Variants in OR10X1 observed in about 807,000 individuals in gnomAD.
OR10X1 encodes the protein olfactory receptor 10X1.
For synonymous variants in OR10X1, 179 were observed against 142.6 expected (o/e 1.26, Z -1.82); for missense variants, 449 against 387.0 (o/e 1.16, Z -1.34).
rs150430213 is a variant in OR10X1 at position 158,579,031 on chromosome 1, G to T, written c.869C>A (p.Pro290His). 2 of 1,614,030 alleles carry T rather than the reference G, an allele frequency of 1.2e-6. No individual in the cohort carries two copies. The highest frequency in any genetic ancestry group is 1.7e-6 in the Non-Finnish European group (2 of 1,179,990). Residue 290 changes from proline (P) to histidine (H), a missense_variant, in exon 1 of 1, where the codon CCT becomes CAT. By Grantham distance (77) the Pro-to-His change is moderately conservative (BLOSUM62 -2). Coordinates refer to ENST00000623167, the MANE Select transcript of OR10X1 (RefSeq NM_001004477.1). The part of the protein sequence containing the change: ...ASGDDTLIAV[P>H]YTVITPFLSP... Reference sequence around the variant, plus strand: ...GAGGAAGGGGGTAATGACAGTATAAGGGACTGCTATGAGTGTGTCATCTCC... The same window carrying T: ...GAGGAAGGGGGTAATGACAGTATAATGGACTGCTATGAGTGTGTCATCTCC...
Position 158,579,368 on chromosome 1 carries a change from G to A in OR10X1, c.532C>T (p.Leu178=), listed in dbSNP as rs746314360. The part of the protein sequence containing the change: ...GFFISLTETA[L]IFRDSFCRPN... The stretch of plus-strand genomic sequence containing the variant: ...CTGCAGAAAGAGTCCCTGAATATCA[G>A]TGCAGTCTCTGTAAGAGAGATAAAG... The change falls in exon 1 of 1, where the codon CTG becomes TTG. Residue 178 remains leucine (L), a synonymous_variant. Coordinates refer to ENST00000623167, the MANE Select transcript of OR10X1 (RefSeq NM_001004477.1). 5.6e-6 allele frequency: 9 copies of A among 1,613,808 alleles called. No homozygotes were observed. Among genetic ancestry groups the A allele is most frequent in the Admixed American group, 1.7e-5 (1 of 59,972 alleles).
Position 158,579,215 on chromosome 1 carries a change from G to A in OR10X1, c.685C>T (p.Leu229Phe), listed in dbSNP as rs1056219320. ...SVSGLLGTLL[L>F]IILTDVFIIS... ...ATGAAGACATCAGTCAGGATGATGA[G>A]CAGAAGGGTACCCAGCAAACCAGAC... Residue 229 changes from leucine (L) to phenylalanine (F), a missense_variant, in exon 1 of 1, where the codon CTC (leucine) becomes TTC (phenylalanine). Leu to Phe is a conservative substitution (Grantham distance 22). Transcript: ENST00000623167. The A allele has an allele frequency of 1.9e-6, 3 of 1,613,968 alleles. No homozygotes were observed. The highest frequency in any genetic ancestry group is 2.5e-6 in the Non-Finnish European group (3 of 1,179,984).
chr1:158,578,963 C>A lies in OR10X1; in HGVS notation c.937G>T (p.Ala313Ser). 2 of 1,600,228 alleles carry A rather than the reference C, an allele frequency of 1.2e-6. No individual in the cohort carries two copies. Among genetic ancestry groups the A allele is most frequent in the South Asian group, 1.1e-5 (1 of 87,828 alleles). The part of the protein sequence containing the change: ...FSLRNKDMKN[A>S]FRRMMGNTVA... ...GTGTTTCCCATCATTCTTCTAAAAG[C>A]ATTTTTCATGTCCTTATTCCTCAGG... is the stretch of plus-strand genomic sequence containing the variant. Residue 313 changes from alanine (A) to serine (S), a missense_variant, in exon 1 of 1, where the codon GCT (alanine) becomes TCT (serine). Physicochemically the swap from Ala to Ser is moderately conservative, Grantham distance 99. Transcript: ENST00000623167.
Position 158,579,353 on chromosome 1 carries a change from A to C in OR10X1, c.547T>G (p.Ser183Ala). Reference sequence around the variant, plus strand: ...TTGACAAGGTTGGGTCTGCAGAAAGAGTCCCTGAATATCAGTGCAGTCTCT... The same window carrying C: ...TTGACAAGGTTGGGTCTGCAGAAAGCGTCCCTGAATATCAGTGCAGTCTCT... ...LTETALIFRD[S>A]FCRPNLVKHF... is the part of the protein sequence containing the mutation. Residue 183 changes from serine to alanine, a missense_variant, in exon 1 of 1, where the codon TCT becomes GCT. Ser to Ala is a moderately conservative substitution (Grantham distance 99). Transcript: ENST00000623167. The C allele has an allele frequency of 6.2e-7, 1 of 1,614,062 alleles. No individual in the cohort carries two copies. Among genetic ancestry groups the C allele is most frequent in the Non-Finnish European group, 8.5e-7 (1 of 1,180,000 alleles).
chr1:158,579,565 C>G lies in OR10X1; in HGVS notation c.335G>C (p.Gly112Ala). Residue 112 changes from glycine (G) to alanine (A), a missense_variant, in exon 1 of 1, where the codon GGT (glycine) becomes GCT (alanine). Transcript: ENST00000623167. ...LAKDRSISVT[G>A]CSLQMCFFLG... ...GAAGAAGCACATCTGTAAGCTACAACCTGTGACTGAAATGCTTCTGTCCTT... is the reference window on the plus strand; with the variant it reads ...GAAGAAGCACATCTGTAAGCTACAAGCTGTGACTGAAATGCTTCTGTCCTT... 1 of 1,614,064 alleles carries G rather than the reference C, an allele frequency of 6.2e-7. No individual in the cohort carries two copies. Among genetic ancestry groups the G allele is most frequent in the Non-Finnish European group, 8.5e-7 (1 of 1,179,984 alleles).
In OR10X1 at chr1:158,579,683, T is replaced by A. The variant is rs934979090; in HGVS notation, c.217A>T (p.Thr73Ser). 3.1e-6 allele frequency: 5 copies of A among 1,613,708 alleles called. No individual in the cohort carries two copies. The African/African-American group carries it at 6.7e-5, about 22-fold the overall frequency. The change falls in exon 1 of 1, where the codon ACC becomes TCC. Residue 73 changes from threonine to serine, a missense_variant. Thr to Ser is a moderately conservative substitution (Grantham distance 58). Coordinates refer to ENST00000623167, the MANE Select transcript of OR10X1 (RefSeq NM_001004477.1). ...GCACTAAGGAAGAGATACATAGGGGTGTGGAGGGACCTGTCCACCCAAGTT... is the reference window on the plus strand; with the variant it reads ...GCACTAAGGAAGAGATACATAGGGGAGTGGAGGGACCTGTCCACCCAAGTT... ...GLTWVDRSLH[T>S]PMYLFLSALS...
Position 158,579,028 on chromosome 1 carries a change from T to C in OR10X1, c.872A>G (p.Tyr291Cys). The C allele has an allele frequency of 6.2e-7, 1 of 1,614,038 alleles. No homozygotes were observed. The highest frequency in any genetic ancestry group is 1.1e-5 in the South Asian group (1 of 91,070). The stretch of plus-strand genomic sequence containing the variant: ...GCTGAGGAAGGGGGTAATGACAGTA[T>C]AAGGGACTGCTATGAGTGTGTCATC... ...SGDDTLIAVPYTVITPFLSPI... is the reference protein window; with the variant it reads ...SGDDTLIAVPCTVITPFLSPI... Residue 291 changes from tyrosine to cysteine, a missense_variant, in exon 1 of 1, where the codon TAT becomes TGT. By Grantham distance (194) the Tyr-to-Cys change is radical. Transcript: ENST00000623167.
chr1:158,579,831 T>G lies in OR10X1; in HGVS notation c.69A>C (p.Thr23=), dbSNP rs776962180. Residue 23 remains threonine, a synonymous_variant, in exon 1 of 1, where the codon ACA becomes ACC. Transcript: ENST00000623167. ...SDIQTMKINQ[T]ILKEFILVGF... ...CAACAAGAATGAATTCCTTCAGGAT[T>G]GTCTGGTTGATCTTCATCGTTTGAA... 6.2e-7 allele frequency: 1 copy of G among 1,612,306 alleles called. No homozygotes were observed.
Position 158,579,716 on chromosome 1 carries a change from T to C in OR10X1, c.184A>G (p.Met62Val), listed in dbSNP as rs536771401. 2.4e-5 allele frequency: 39 copies of C among 1,613,962 alleles called. No individual in the cohort carries two copies. In the Middle Eastern group the frequency reaches 8.3e-4, roughly 34 times the overall value. ...GACCTGTCCACCCAAGTTAGACCCA[T>C]GATGATCAGATTACCTGCAAGGGTG... ...LLTLAGNLII[M>V]GLTWVDRSLH... The change falls in exon 1 of 1, where the codon ATG (methionine) becomes GTG (valine). Residue 62 changes from methionine to valine, a missense_variant. Transcript: ENST00000623167.
rs145972190 is a variant in OR10X1 at position 158,579,580 on chromosome 1, C to T, written c.320G>A (p.Ser107Asn). 101 of 1,613,912 alleles carry T rather than the reference C, an allele frequency of 6.3e-5. No homozygotes were observed. The highest frequency in any genetic ancestry group is 1.6e-4 in the Middle Eastern group (1 of 6,084). ...MLEDLLAKDRSISVTGCSLQM... is the reference protein window; with the variant it reads ...MLEDLLAKDRNISVTGCSLQM... ...TAAGCTACAACCTGTGACTGAAATG[C>T]TTCTGTCCTTGGCCAGTAGATCTTC... Residue 107 changes from serine (S) to asparagine (N), a missense_variant, in exon 1 of 1, where the codon AGC (serine) becomes AAC (asparagine). Physicochemically the swap from Ser to Asn is conservative, Grantham distance 46. Coordinates refer to ENST00000623167, the MANE Select transcript of OR10X1 (RefSeq NM_001004477.1).
Position 158,579,804 on chromosome 1 carries a change from G to A in OR10X1, c.96C>T (p.Gly32=), listed in dbSNP as rs1206726055. ...QTILKEFILV[G]FSVYPHVQTF... is the part of the protein sequence containing the mutation. The stretch of plus-strand genomic sequence containing the variant: ...TCTGTACATGTGGGTACACAGAAAA[G>A]CCAACAAGAATGAATTCCTTCAGGA... The change falls in exon 1 of 1, where the codon GGC becomes GGT. Residue 32 remains glycine (G), a synonymous_variant. Coordinates refer to ENST00000623167, the MANE Select transcript of OR10X1 (RefSeq NM_001004477.1). 5.6e-6 allele frequency: 9 copies of A among 1,613,902 alleles called. No homozygotes were observed. Among genetic ancestry groups the A allele is most frequent in the Non-Finnish European group, 7.6e-6 (9 of 1,179,910 alleles).
rs1209892149 is a variant in OR10X1, at chr1:158,579,400, G to A, written c.500C>T (p.Ala167Val). 6.8e-6 allele frequency: 11 copies of A among 1,613,998 alleles called. No homozygotes were observed. Among genetic ancestry groups the A allele is most frequent in the Non-Finnish European group, 9.3e-6 (11 of 1,179,980 alleles). Reference sequence around the variant, plus strand: ...CTCTGTAAGAGAGATAAAGAAGCCTGCAGTGCAAGCAGAGGCCACAAGTTG... The same window carrying A: ...CTCTGTAAGAGAGATAAAGAAGCCTACAGTGCAAGCAGAGGCCACAAGTTG... ...CGQLVASACT[A>V]GFFISLTETA... The change falls in exon 1 of 1, where the codon GCA (alanine) becomes GTA (valine). Residue 167 changes from alanine to valine, a missense_variant. Ala to Val is a moderately conservative substitution (Grantham distance 64). Transcript: ENST00000623167.
chr1:158,579,116 T>C lies in OR10X1; in HGVS notation c.784A>G (p.Thr262Ala). Residue 262 changes from threonine (T) to alanine (A), a missense_variant, in exon 1 of 1, where the codon ACC becomes GCC. By Grantham distance (58) the Thr-to-Ala change is moderately conservative. Transcript: ENST00000623167. Reference protein sequence around the residue: ...KAFTTCASHLTVVIIHFGFAS... With the variant: ...KAFTTCASHLAVVIIHFGFAS... ...AAACCAAAGTGGATTATAACCACGGTGAGGTGGGAGGCACAGGTGGTGAAG... is the reference window on the plus strand; with the variant it reads ...AAACCAAAGTGGATTATAACCACGGCGAGGTGGGAGGCACAGGTGGTGAAG... 3 of 1,613,646 alleles carry C rather than the reference T, an allele frequency of 1.9e-6. No individual in the cohort carries two copies. Among genetic ancestry groups the C allele is most frequent in the Non-Finnish European group, 2.5e-6 (3 of 1,179,904 alleles).
rs557157625 is a variant in OR10X1 at position 158,578,936 on chromosome 1, C to T, written c.964G>A (p.Val322Ile). 6 of 1,587,630 alleles carry T rather than the reference C, an allele frequency of 3.8e-6. No homozygotes were observed. The highest frequency in any genetic ancestry group is 1.2e-5 in the South Asian group (1 of 85,908). Reference sequence around the variant, plus strand: ...ACCCAAGATTATTTTTTCAAGGCAACTGTGTTTCCCATCATTCTTCTAAAA... The same window carrying T: ...ACCCAAGATTATTTTTTCAAGGCAATTGTGTTTCCCATCATTCTTCTAAAA... ...NAFRRMMGNT[V>I]ALKK is the part of the protein sequence containing the mutation. Residue 322 changes from valine to isoleucine, a missense_variant, in exon 1 of 1, where the codon GTT (valine) becomes ATT (isoleucine). By Grantham distance (29) the Val-to-Ile change is conservative. Transcript: ENST00000623167.
At position 158,579,252 on chromosome 1, in the gene OR10X1, T is replaced by C. The variant is rs372205740; in HGVS notation, c.648A>G (p.Thr216=). ...CCAGCAAACCAGACACTGAGATCAG[T>C]GTTATAATGAATTCTGTGTGGTTAC... ...IDSNHTEFII[T]LISVSGLLGT... The change falls in exon 1 of 1, where the codon ACA becomes ACG. Residue 216 remains threonine (T), a synonymous_variant. Coordinates refer to ENST00000623167, the MANE Select transcript of OR10X1 (RefSeq NM_001004477.1). 19 of 1,613,564 alleles carry C rather than the reference T, an allele frequency of 1.2e-5. No individual in the cohort carries two copies. Among genetic ancestry groups the C allele is most frequent in the Non-Finnish European group, 1.6e-5 (19 of 1,179,914 alleles).
Position 158,579,521 on chromosome 1 carries a change from T to C in OR10X1, c.379A>G (p.Asn127Asp), listed in dbSNP as rs1332644449. 6.2e-7 allele frequency: 1 copy of C among 1,614,072 alleles called. No individual in the cohort carries two copies. Among genetic ancestry groups the C allele is most frequent in the Admixed American group, 1.7e-5 (1 of 60,012 alleles). The change falls in exon 1 of 1, where the codon AAC becomes GAC. Residue 127 changes from asparagine (N) to aspartate (D), a missense_variant. Physicochemically the swap from Asn to Asp is conservative, Grantham distance 23. Coordinates refer to ENST00000623167, the MANE Select transcript of OR10X1 (RefSeq NM_001004477.1). Reference sequence around the variant, plus strand: ...CCCATCAAAGTGAGAATGATACAGTTTGTGCCACCAAGTCCCAAGAAGAAG... The same window carrying C: ...CCCATCAAAGTGAGAATGATACAGTCTGTGCCACCAAGTCCCAAGAAGAAG... ...MCFFLGLGGT[N>D]CIILTLMGYD...
Position 158,579,145 on chromosome 1 carries a change from T to A in OR10X1, c.755A>T (p.Lys252Met), listed in dbSNP as rs751273398. 10 of 1,613,904 alleles carry A rather than the reference T, an allele frequency of 6.2e-6. No individual in the cohort carries two copies. In the South Asian group the frequency reaches 8.8e-5, roughly 14 times the overall value. ...LRIPSAEGKQ[K>M]AFTTCASHLT... ...GTGGGAGGCACAGGTGGTGAAGGCC[T>A]TCTGCTTGCCCTCAGCTGAAGGGAT... Residue 252 changes from lysine (K) to methionine (M), a missense_variant, in exon 1 of 1, where the codon AAG becomes ATG. Coordinates refer to ENST00000623167, the MANE Select transcript of OR10X1 (RefSeq NM_001004477.1).
In OR10X1 at chr1:158,579,536, C is replaced by T. The variant is rs1206781071; in HGVS notation, c.364G>A (p.Gly122Arg). ...GCSLQMCFFL[G>R]LGGTNCIILT... ...ATGATACAGTTTGTGCCACCAAGTC[C>T]CAAGAAGAAGCACATCTGTAAGCTA... is the stretch of plus-strand genomic sequence containing the variant. Residue 122 changes from glycine (G) to arginine (R), a missense_variant, in exon 1 of 1, where the codon GGA becomes AGA. Gly to Arg is a moderately radical substitution (Grantham distance 125, BLOSUM62 -2). Coordinates refer to ENST00000623167, the MANE Select transcript of OR10X1 (RefSeq NM_001004477.1). 1.2e-6 allele frequency: 2 copies of T among 1,614,014 alleles called. No individual in the cohort carries two copies. Among genetic ancestry groups the T allele is most frequent in the East Asian group, 2.2e-5 (1 of 44,864 alleles).
At position 158,579,035 on chromosome 1, in the gene OR10X1, C is replaced by T; in HGVS notation, c.865G>A (p.Val289Ile). ...EASGDDTLIAVPYTVITPFLS... is the reference protein window; with the variant it reads ...EASGDDTLIAIPYTVITPFLS... The stretch of plus-strand genomic sequence containing the variant: ...AAGGGGGTAATGACAGTATAAGGGA[C>T]TGCTATGAGTGTGTCATCTCCTGAG... Residue 289 changes from valine to isoleucine, a missense_variant, in exon 1 of 1, where the codon GTC becomes ATC. Val to Ile is a conservative substitution (Grantham distance 29). Transcript: ENST00000623167. 3.1e-6 allele frequency: 5 copies of T among 1,614,006 alleles called. No homozygotes were observed. Among genetic ancestry groups the T allele is most frequent in the Non-Finnish European group, 3.4e-6 (4 of 1,179,986 alleles).
Sources: gnomAD v4.1 joint callset for allele counts on GRCh38, gnomAD v4.1.1 for gene constraint, MANE v1.5 for transcripts, NCBI Gene and HGNC (gene_info 2026-07-23, HGNC 2026-07-21) for gene names.